Variants in WASHC5 observed in about 807,000 individuals in gnomAD.
WASHC5 encodes the protein WASH complex subunit strumpellin.
WASHC5 carries 101 observed loss-of-function variants against 150.4 expected under a neutral mutation model. That is an observed-to-expected ratio of 0.67 (90% CI 0.57 to 0.79). WASHC5 has a LOEUF of 0.79. Among genes scored for constraint, WASHC5 ranks in the 30% least tolerant of loss-of-function variants. The probability of loss-of-function intolerance (pLI) is 0.00; values close to 1 mark genes in which losing one functional copy is unlikely to be tolerated. For synonymous variants in WASHC5, 467 were observed against 491.2 expected (o/e 0.95, Z 0.65); for missense variants, 1,195 against 1,396.3 (o/e 0.86, Z 2.30).
chr8:125,042,528 T>C (rs1160289526), intron 23 of WASHC5, among the ~76,000 whole-genome samples: 1 of 152,212 alleles, frequency 6.6e-6, no homozygotes, highest in African/African-American at 2.4e-5. Flanking sequence ...CACAGTCACG[T>C]GGCTGTTACT....
rs112215506 is a variant in WASHC5, at chr8:125,063,949, G to A, written c.1279-298C>T. On this transcript the variant is annotated intron_variant, in intron 10 of 28. Coordinates refer to ENST00000318410, the MANE Select transcript of WASHC5 (RefSeq NM_014846.4). ...ACCCCCAAAGATTCTCGTTCAGGCG[G>A]TCTTGAATAGGGCCAGAAATCCGCA... is the stretch of plus-strand genomic sequence containing the variant. 4.1e-3 allele frequency among the ~76,000 whole-genome samples: 629 copies of A among 152,246 alleles called. 8 individuals are homozygous for A. Among genetic ancestry groups the A allele is most frequent in the African/African-American group, 0.013 (556 of 41,532 alleles).
At chr8:125,049,869 G>C (rs889850907) in intron 18 of WASHC5, among the ~76,000 whole-genome samples, 2 of 151,932 alleles carry the variant, frequency 1.3e-5, no homozygotes, top group Non-Finnish European at 2.9e-5. Context: ...TAGTACAGCA[G>C]CTAAGAGACC....
At chr8:125,083,486 T>C in intron 2 of WASHC5, among the ~76,000 whole-genome samples, 1 of 152,202 alleles carries the variant, frequency 6.6e-6, no homozygotes, top group South Asian at 2.1e-4. Flanking sequence ...GGCCCTTCAA[T>C]GTGAAATATC....
At chr8:125,082,546 A>G (rs1031771802) in intron 3 of WASHC5, 79 bp from the exon 4 acceptor site, 1 of 884,444 alleles carries the variant, frequency 1.1e-6, no homozygotes, top group African/African-American at 1.7e-5. Flanking sequence ...GATTTTTAAA[A>G]GATAAGGCAG....
chr8:125,072,350 A>AGGGG (rs1408793587), intron 9 of WASHC5, among the ~76,000 whole-genome samples: 2 of 12,974 alleles, frequency 1.5e-4, no homozygotes, highest in African/African-American at 4.0e-4. Context: ...AAAAAAAAAA[A>AGGGG]GTGGGGGGGG....
chr8:125,066,812 T>C (rs1816754700), intron 10 of WASHC5, among the ~76,000 whole-genome samples: 1 of 152,178 alleles, frequency 6.6e-6, no homozygotes, highest in African/African-American at 2.4e-5. Flanking sequence ...ATTCTTCCTG[T>C]CCCTGGAATG....
chr8:125,047,311 C>T lies in WASHC5; in HGVS notation c.2400G>A (p.Met800Ile). The change falls in exon 20 of 29, where the codon ATG becomes ATA. Residue 800 changes from methionine (M) to isoleucine (I), a missense_variant. This residue lies in a region of WASHC5 where 997 missense variants were observed against 1,168.1 expected (regional missense o/e 0.85). Transcript: ENST00000318410. Reference protein sequence around the residue: ...LRTKIQDWQSMYQSTHIPIPK... With the variant: ...LRTKIQDWQSIYQSTHIPIPK... ...GTATTGGAATATGAGTGGACTGGTA[C>T]ATGCTTTGCCAATCTTGAATCTAGA... 6.2e-7 allele frequency: 1 copy of T among 1,613,836 alleles called. No individual in the cohort carries two copies. Among genetic ancestry groups the T allele is most frequent in the Non-Finnish European group, 8.5e-7 (1 of 1,179,752 alleles).
At chr8:125,034,356 G>A (rs145801155) in intron 26 of WASHC5, among the ~76,000 whole-genome samples, 5 of 152,020 alleles carry the variant, frequency 3.3e-5, no homozygotes, top group African/African-American at 7.2e-5. Flanking sequence ...AAAATTACCC[G>A]AGCATGGTGA....
At position 125,076,444 on chromosome 8, in the gene WASHC5, G is replaced by A; in HGVS notation, c.768C>T (p.Ala256=). The change falls in exon 7 of 29, where the codon GCC becomes GCT. Residue 256 remains alanine, a synonymous_variant. Transcript: ENST00000318410. The part of the protein sequence containing the change: ...HRSTALANQA[A]MLYVILYFEP... ...CAAAGTAGAGAATCACGTACAGCAT[G>A]GCAGCTTGGTTTGCCAGGGCTGTGC... The A allele has an allele frequency of 6.2e-7, 1 of 1,614,012 alleles. No homozygotes were observed.
At chr8:125,077,097 C>A (rs952505557) in intron 6 of WASHC5, among the ~76,000 whole-genome samples, 1 of 152,142 alleles carries the variant, frequency 6.6e-6, no homozygotes, top group Non-Finnish European at 1.5e-5. Context: ...GTTGGTGTTC[C>A]CCAGGGGTTC....
intron 8 of WASHC5, 107 bp downstream of exon 8, chr8:125,074,891 A>T (rs1463547149): frequency 1.3e-6 from 1 of 763,650 alleles, no homozygotes; most frequent in African/African-American, 1.7e-5. Flanking sequence ...GCATTAAATT[A>T]TCTAAGTGAT....
chr8:125,040,861 C>G (rs1242552333), intron 23 of WASHC5: 1 of 152,096 alleles, frequency 6.6e-6, no homozygotes, highest in Non-Finnish European at 1.5e-5. Flanking sequence ...CTAATATAGC[C>G]TTGGACCCCT....
rs1817299276 is a variant in WASHC5 at position 125,082,597 on chromosome 8, C to T, written c.333-130G>A. ...GGCCTTCCACTAGTTCATGGTCCTTCATGCTCTTAAGAATACAGTCTTATA... is the reference window on the plus strand; with the variant it reads ...GGCCTTCCACTAGTTCATGGTCCTTTATGCTCTTAAGAATACAGTCTTATA... On this transcript the variant is annotated intron_variant, in intron 3 of 28. Transcript: ENST00000318410. 4.5e-6 allele frequency: 3 copies of T among 666,342 alleles called. No homozygotes were observed. The Admixed American group carries it at 7.6e-5, about 17-fold the overall frequency. The allele number at this position is 666,342 out of a possible 1,614,324, so 41.3% of individuals were successfully genotyped here. A position where few individuals can be genotyped will look rare whatever the true frequency, so the allele number is the denominator to read the frequency against.
chr8:125,069,154 G>C (rs1816831473), intron 9 of WASHC5, among the ~76,000 whole-genome samples: 1 of 152,152 alleles, frequency 6.6e-6, no homozygotes, highest in South Asian at 2.1e-4. Flanking sequence ...CCATTATCTT[G>C]GGAGTGGGTT....
At chr8:125,090,673 C>T (rs1817584083) in intron 1 of WASHC5, among the ~76,000 whole-genome samples, 1 of 152,182 alleles carries the variant, frequency 6.6e-6, no homozygotes, top group South Asian at 2.1e-4. Flanking sequence ...ACACCAATTA[C>T]CCTGAGTACA....
chr8:125,046,273 G>T lies in WASHC5; in HGVS notation c.2504+934C>A, dbSNP rs577596889. On this transcript the variant is annotated intron_variant, in intron 20 of 28. Coordinates refer to ENST00000318410, the MANE Select transcript of WASHC5 (RefSeq NM_014846.4). Reference sequence around the variant, plus strand: ...CCCCAAGCTGATCTTAGTACCAACAGCTTCTCCTGAGGCTCAAATGAAGAA... The same window carrying T: ...CCCCAAGCTGATCTTAGTACCAACATCTTCTCCTGAGGCTCAAATGAAGAA... Among the ~76,000 whole-genome samples, 12 of 152,126 alleles carry T rather than the reference G, an allele frequency of 7.9e-5. No individual in the cohort carries two copies. The South Asian group carries it at 2.1e-3, about 26-fold the overall frequency.
intron 14 of WASHC5, among the ~76,000 whole-genome samples, chr8:125,057,900 C>A (rs914497725): frequency 1.3e-5 from 2 of 152,084 alleles, no homozygotes; most frequent in African/African-American, 4.8e-5. Context: ...ATTAGACATG[C>A]AAATTACTGG....
At chr8:125,057,504 T>A in intron 15 of WASHC5, 52 bp downstream of exon 15, 1 of 1,207,994 alleles carries the variant, frequency 8.3e-7, no homozygotes, top group Non-Finnish European at 1.2e-6. Context: ...TTTTTGTATT[T>A]AAAACAGCAG....
Position 125,061,126 on chromosome 8 carries a change from CAGT to C in WASHC5, c.1474_1476del (p.Thr492del), listed in dbSNP as rs1816581311. On this transcript the variant is annotated inframe_deletion, in exon 12 of 29. Coordinates refer to ENST00000318410, the MANE Select transcript of WASHC5 (RefSeq NM_014846.4). ...AGTTGTACAGTTTTTCTGCCCGCAG[CAGT>C]AGAATCATCATAATTTAAAGACAAT... The C allele has an allele frequency of 6.2e-7, 1 of 1,612,838 alleles. No individual in the cohort carries two copies. Among genetic ancestry groups the C allele is most frequent in the South Asian group, 1.1e-5 (1 of 91,044 alleles).
Sources: allele counts gnomAD v4.1 joint callset (sites outside exome capture counted in the v4.1 genomes callset), GRCh38; gene constraint gnomAD v4.1.1; regional missense constraint gnomAD v4.1.1; transcripts MANE v1.5; gene names NCBI Gene and HGNC (gene_info 2026-07-23, HGNC 2026-07-21).